The following HTRA3 variants were observed in gnomAD, a reference collection of about 807,000 sequenced individuals.
HTRA3 encodes the protein serine protease HTRA3.
Under a neutral mutation model 43.2 loss-of-function variants are expected in HTRA3, and 41 were observed. The observed-to-expected ratio is 0.95, with a 90% CI of 0.74 to 1.23. HTRA3 has a LOEUF of 1.23. Ranked by LOEUF, HTRA3 falls within the 50% of genes most tolerant of loss-of-function variation. The pLI is 0.00. For missense variants in HTRA3, 628 were observed against 647.1 expected (o/e 0.97, Z 0.32); for synonymous variants, 295 against 287.9 (o/e 1.02, Z -0.25).
At chr4:8,276,509 A>G (rs1055295054) in intron 1 of HTRA3, among the ~76,000 whole-genome samples, 1 of 152,092 alleles carries the variant, frequency 6.6e-6, no homozygotes, top group Admixed American at 6.5e-5. Flanking sequence ...TGCCGGAGGG[A>G]GTTTCATTGG....
intron 2 of HTRA3, among the ~76,000 whole-genome samples, chr4:8,282,850 A>G (rs1040373415): frequency 2.0e-4 from 31 of 152,252 alleles, no homozygotes; most frequent in African/African-American, 6.0e-4. Context: ...GGGGCCGTGC[A>G]GTAAAGCAGA....
chr4:8,300,637 A>G (rs1157456823), intron 6 of HTRA3, among the ~76,000 whole-genome samples: 2 of 152,184 alleles, frequency 1.3e-5, no homozygotes, highest in African/African-American at 4.8e-5. Context: ...ATCTTGCTAA[A>G]GATTTATCAG....
chr4:8,294,306 T>G (rs1233806172), intron 6 of HTRA3, 105 bp downstream of exon 6: 1 of 790,748 alleles, frequency 1.3e-6, no homozygotes, highest in Admixed American at 2.3e-5. Flanking sequence ...AGGTGCTGGG[T>G]GAACTTTGCT....
rs1235927263 is a variant in HTRA3, at chr4:8,294,147, C to T, written c.997C>T (p.Pro333Ser). 4 of 1,612,732 alleles carry T rather than the reference C, an allele frequency of 2.5e-6. No individual in the cohort carries two copies. Among genetic ancestry groups the T allele is most frequent in the Non-Finnish European group, 2.5e-6 (3 of 1,179,422 alleles). The change falls in exon 6 of 9, where the codon CCC becomes TCC. Residue 333 changes from proline (P) to serine (S), a missense_variant. Pro to Ser is a moderately conservative substitution (Grantham distance 74). Coordinates refer to ENST00000307358, the MANE Select transcript of HTRA3 (RefSeq NM_053044.5). The stretch of plus-strand genomic sequence containing the variant: ...CACGGCTGGCATCTCCTTTGCCATC[C>T]CCTCAGACCGCATCACACGGTTCCT... Reference protein sequence around the residue: ...KVTAGISFAIPSDRITRFLTE... With the variant: ...KVTAGISFAISSDRITRFLTE...
Position 8,291,523 on chromosome 4 carries a change from G to T in HTRA3, c.862G>T (p.Asp288Tyr). Residue 288 changes from aspartate (D) to tyrosine (Y), a missense_variant, in exon 4 of 9, where the codon GAC (aspartate) becomes TAC (tyrosine). Transcript: ENST00000307358. ...QREGRELGLR[D>Y]SDMDYIQTDA... ...GGAGGGCAGGGAGCTGGGCCTCCGG[G>T]ACTCCGACATGGACTACATCCAGAC... The T allele has an allele frequency of 1.2e-6, 2 of 1,611,210 alleles. No homozygotes were observed. Among genetic ancestry groups the T allele is most frequent in the South Asian group, 1.1e-5 (1 of 90,938 alleles).
Position 8,270,025 on chromosome 4 carries a change from G to GC in HTRA3, c.62dup (p.Ala22CysfsTer124). On this transcript the variant is annotated frameshift_variant, in exon 1 of 9. Coordinates refer to ENST00000307358, the MANE Select transcript of HTRA3 (RefSeq NM_053044.5). LOFTEE classifies it high-confidence loss of function. ...TGGCCGCGCTGGCGCTGGCCCGGGAGCCCCCTGCGGCGCCGTGTCCCGCGC... is the reference window on the plus strand; with the variant it reads ...TGGCCGCGCTGGCGCTGGCCCGGGAGCCCCCCTGCGGCGCCGTGTCCCGCGC... The GC allele has an allele frequency of 7.5e-7, 1 of 1,334,240 alleles. No individual in the cohort carries two copies. Among genetic ancestry groups the GC allele is most frequent in the South Asian group, 1.9e-5 (1 of 51,494 alleles). The allele number at this position is 1,334,240 out of a possible 1,614,324, so 82.7% of individuals were successfully genotyped here.
chr4:8,292,963 G>C (rs1713305209), intron 5 of HTRA3, among the ~76,000 whole-genome samples: 1 of 152,200 alleles, frequency 6.6e-6, no homozygotes, highest in African/African-American at 2.4e-5. Context: ...ATCAGGGAGG[G>C]CTTCCTGGAG....
chr4:8,304,036 C>T, intron 7 of HTRA3, 148 bp from the exon 8 acceptor site: 3 of 600,212 alleles, frequency 5.0e-6, no homozygotes, highest in South Asian at 2.0e-5. Context: ...GTAGGGGACA[C>T]AGAGTGGCCA....
chr4:8,270,950 T>A (rs1043370233), intron 1 of HTRA3, among the ~76,000 whole-genome samples: 6 of 152,220 alleles, frequency 3.9e-5, no homozygotes, highest in Admixed American at 6.5e-5. Context: ...AGGTTGACTC[T>A]GTACGTGGAG....
chr4:8,272,080 G>T (rs536749370), intron 1 of HTRA3, among the ~76,000 whole-genome samples: 1 of 152,188 alleles, frequency 6.6e-6, no homozygotes, highest in Admixed American at 6.5e-5. Context: ...CCAGCTGTGT[G>T]CATGGGGGCC....
chr4:8,299,548 G>T (rs143993541), intron 6 of HTRA3, among the ~76,000 whole-genome samples: 1 of 152,016 alleles, frequency 6.6e-6, no homozygotes, highest in Admixed American at 6.6e-5. Flanking sequence ...TCCTTGTCCC[G>T]TTCGTGATCT....
Position 8,286,815 on chromosome 4 carries a change from C to T in HTRA3, c.708+32C>T. ...GGGCGTGGGTGGAGGGGCGGAAGCACCTGGGGCTGGGCATGGTGGCCTCTT... is the reference window on the plus strand; with the variant it reads ...GGGCGTGGGTGGAGGGGCGGAAGCATCTGGGGCTGGGCATGGTGGCCTCTT... On this transcript the variant is annotated intron_variant, in intron 3 of 8. Coordinates refer to ENST00000307358, the MANE Select transcript of HTRA3 (RefSeq NM_053044.5). This position sits in a 1 kb window ranked among gnomAD's most constrained non-coding sequence, Gnocchi z 4.9. 6.5e-7 allele frequency: 1 copy of T among 1,541,706 alleles called. No individual in the cohort carries two copies. The highest frequency in any genetic ancestry group is 8.9e-7 in the Non-Finnish European group (1 of 1,121,072).
chr4:8,278,071 G>A (rs1180403073), intron 1 of HTRA3, among the ~76,000 whole-genome samples: 5 of 152,210 alleles, frequency 3.3e-5, no homozygotes, highest in African/African-American at 1.2e-4. Context: ...GAGTTACGCA[G>A]TGTACAAACA....
chr4:8,272,559 G>A lies in HTRA3; in HGVS notation c.385+2206G>A, dbSNP rs1390768888. On this transcript the variant is annotated intron_variant, in intron 1 of 8. Coordinates refer to ENST00000307358, the MANE Select transcript of HTRA3 (RefSeq NM_053044.5). Reference sequence around the variant, plus strand: ...GCTGCTGCCAGACACGAAGGCACACGCCCCTTGCCTGATGGGCAACCCCCA... The same window carrying A: ...GCTGCTGCCAGACACGAAGGCACACACCCCTTGCCTGATGGGCAACCCCCA... 2.6e-5 allele frequency among the ~76,000 whole-genome samples: 4 copies of A among 152,232 alleles called. 1 individual carries two copies. The highest frequency in any genetic ancestry group is 4.4e-5 in the Non-Finnish European group (3 of 68,040).
chr4:8,297,078 CTGGTCTCAGAAGCCATAAGGTCCCT>C lies in HTRA3; in HGVS notation c.1051+2887_1051+2911del, dbSNP rs989754866. ...TTGGTCTCAGAAGCCAAAAGGTTCCCTGGTCTCAGAAGCCATAAGGTCCCTTGGTCTCAGGCCCCTGTGCTGGGTA... is the reference window on the plus strand; with the variant it reads ...TTGGTCTCAGAAGCCAAAAGGTTCCCTGGTCTCAGGCCCCTGTGCTGGGTA... On this transcript the variant is annotated intron_variant, in intron 6 of 8. Coordinates refer to ENST00000307358, the MANE Select transcript of HTRA3 (RefSeq NM_053044.5). This position sits in a 1 kb window ranked among gnomAD's most constrained non-coding sequence, Gnocchi z 5.8. Among the ~76,000 whole-genome samples the C allele has an allele frequency of 2.6e-5, 4 of 152,012 alleles. No homozygotes were observed. The highest frequency in any genetic ancestry group is 4.4e-5 in the Non-Finnish European group (3 of 68,004).
At position 8,286,045 on chromosome 4, in the gene HTRA3, G is replaced by T. The variant is rs1264190237; in HGVS notation, c.486-516G>T. 6.6e-6 allele frequency among the ~76,000 whole-genome samples: 1 copy of T among 152,232 alleles called. No individual in the cohort carries two copies. On this transcript the variant is annotated intron_variant, in intron 2 of 8. Transcript: ENST00000307358. The surrounding 1 kb of genome is among the most constrained non-coding windows in gnomAD (Gnocchi z 4.9). ...CTGCAGGATGCTGTGTGTGCAATGG[G>T]GCTTTTCCCCTAGGGCCAATTATTG...
At chr4:8,302,382 C>T (rs1463077699) in intron 6 of HTRA3, 81 bp from the exon 7 acceptor site, 8 of 1,319,458 alleles carry the variant, frequency 6.1e-6, no homozygotes, top group African/African-American at 1.4e-5. Flanking sequence ...AGGGGAACTT[C>T]TGTCCTCTGC....
intron 3 of HTRA3, among the ~76,000 whole-genome samples, chr4:8,287,625 A>T (rs1297858367): frequency 6.6e-6 from 1 of 152,126 alleles, no homozygotes; most frequent in African/African-American, 2.4e-5. Context: ...CACCATGAGA[A>T]CAGCATGGGG....
intron 3 of HTRA3, among the ~76,000 whole-genome samples, chr4:8,290,314 G>C (rs1050550616): frequency 3.9e-5 from 6 of 152,240 alleles, no homozygotes; most frequent in African/African-American, 7.2e-5. Context: ...TTTCTTATTT[G>C]ACATGATGGT....
Sources: allele counts gnomAD v4.1 joint callset (sites outside exome capture counted in the v4.1 genomes callset), GRCh38; gene constraint gnomAD v4.1.1; non-coding constraint Gnocchi (gnomAD v3.1); transcripts MANE v1.5; gene names NCBI Gene and HGNC (gene_info 2026-07-23, HGNC 2026-07-21).